The following CSMD1 variants were observed in gnomAD, a reference collection of about 807,000 sequenced individuals.
The protein encoded by CSMD1 is CUB and sushi domain-containing protein 1.
In CSMD1, 213 loss-of-function variants were observed where a neutral mutation model predicts 417.5. The observed-to-expected ratio is 0.51, with a 90% confidence interval of 0.46 to 0.57. CSMD1 has a LOEUF of 0.57. Ranked by LOEUF, CSMD1 falls within the 20% of genes least tolerant of loss-of-function variation. The pLI is 0.00. For missense variants in CSMD1, 6,923 were observed against 4,529.7 expected (o/e 1.53, Z -15.17); for synonymous variants, 2,862 against 1,736.8 (o/e 1.65, Z -16.11).
intron 3 of CSMD1, among the ~76,000 whole-genome samples, chr8:4,033,926 A>T (rs563338671): frequency 1.3e-5 from 2 of 152,356 alleles, no homozygotes; most frequent in South Asian, 2.1e-4. Flanking sequence ...CTAAGGTTTA[A>T]ATTTAGTATG....
intron 5 of CSMD1, among the ~76,000 whole-genome samples, chr8:3,971,680 G>T (rs1221614450): frequency 6.6e-6 from 1 of 152,134 alleles, no homozygotes; most frequent in Non-Finnish European, 1.5e-5. Flanking sequence ...GGTACTCAGA[G>T]GGAGAAAGGA....
In CSMD1 at chr8:3,307,800, T is replaced by G. The variant is rs776905840; in HGVS notation, c.3845A>C (p.His1282Pro). The G allele has an allele frequency of 1.9e-6, 3 of 1,613,572 alleles. No individual in the cohort carries two copies. The highest frequency in any genetic ancestry group is 1.3e-5 in the African/African-American group (1 of 75,036). The change falls in exon 25 of 70, where the codon CAT (histidine) becomes CCT (proline). Residue 1282 changes from histidine (H) to proline (P), a missense_variant. Coordinates refer to ENST00000635120, the MANE Select transcript of CSMD1 (RefSeq NM_033225.6). ...SCIAECGGQIHAATSGRILSP... is the reference protein window; with the variant it reads ...SCIAECGGQIPAATSGRILSP... ...CAATATTCGTCCTGATGTGGCTGCATGGATCTGACCACCACATTCCGCTGT... is the reference window on the plus strand; with the variant it reads ...CAATATTCGTCCTGATGTGGCTGCAGGGATCTGACCACCACATTCCGCTGT...
chr8:4,296,032 C>T (rs373501674), intron 3 of CSMD1, among the ~76,000 whole-genome samples: 37 of 152,018 alleles, frequency 2.4e-4, no homozygotes, highest in African/African-American at 8.2e-4. Context: ...AAAAATGAAA[C>T]TGTCTAATTG....
chr8:4,085,747 G>A (rs1378300315), intron 3 of CSMD1, among the ~76,000 whole-genome samples: 1 of 152,102 alleles, frequency 6.6e-6, no homozygotes, highest in African/African-American at 2.4e-5. Flanking sequence ...AAAAATGGAG[G>A]GAAGATGTGT....
intron 46 of CSMD1, among the ~76,000 whole-genome samples, chr8:3,099,466 TA>T (rs1815577368): frequency 6.6e-6 from 1 of 152,216 alleles, no homozygotes; most frequent in African/African-American, 2.4e-5. Flanking sequence ...CATCCTTCTC[TA>T]GGCTGACCTT....
chr8:3,307,362 C>T (rs965949500), intron 25 of CSMD1, among the ~76,000 whole-genome samples: 1 of 152,096 alleles, frequency 6.6e-6, no homozygotes, highest in African/African-American at 2.4e-5. Flanking sequence ...ACTGCTCATC[C>T]CCAGGCAGTC....
At chr8:4,156,842 G>A (rs980243566) in intron 3 of CSMD1, among the ~76,000 whole-genome samples, 8 of 151,568 alleles carry the variant, frequency 5.3e-5, no homozygotes, top group African/African-American at 2.0e-4. Flanking sequence ...ACAATCACAG[G>A]GAGGCTTTTT....
At chr8:4,904,522 G>C (rs1215027116) in intron 1 of CSMD1, among the ~76,000 whole-genome samples, 1 of 151,960 alleles carries the variant, frequency 6.6e-6, no homozygotes, top group Non-Finnish European at 1.5e-5. Flanking sequence ...ACCCTTTCCA[G>C]GTCCTACACT....
intron 7 of CSMD1, among the ~76,000 whole-genome samples, chr8:3,669,993 T>C (rs374452388): frequency 4.6e-5 from 7 of 152,198 alleles, no homozygotes; most frequent in Admixed American, 1.3e-4. Flanking sequence ...TCAGGTGCAA[T>C]TGCATACATT....
In CSMD1 at chr8:4,669,242, G is replaced by C. The variant is rs117532357; in HGVS notation, c.86-31684C>G. Among the ~76,000 whole-genome samples the C allele has an allele frequency of 5.6e-3, 860 of 152,260 alleles. 17 individuals are homozygous for C. Among genetic ancestry groups the C allele is most frequent in the East Asian group, 0.046 (237 of 5,166 alleles). The stretch of plus-strand genomic sequence containing the variant: ...CTTAATGGGACAGAGATGGGGGCTA[G>C]ACATATTTACTACTGATTTTTACCT... On this transcript the variant is annotated intron_variant, in intron 1 of 69. Transcript: ENST00000635120.
intron 12 of CSMD1, among the ~76,000 whole-genome samples, chr8:3,412,506 A>G (rs1812875199): frequency 6.6e-6 from 1 of 152,170 alleles, no homozygotes; most frequent in African/African-American, 2.4e-5. Context: ...GGGAATATCA[A>G]AGAAGTGAAG....
intron 12 of CSMD1, among the ~76,000 whole-genome samples, chr8:3,460,165 T>C (rs1195500190): frequency 1.1e-4 from 16 of 152,160 alleles, no homozygotes; most frequent in Non-Finnish European, 1.8e-4. Flanking sequence ...AATCACATAA[T>C]CTAGGATGTG....
Position 3,162,275 on chromosome 8 carries a change from C to T in CSMD1, c.5728G>A (p.Val1910Ile), listed in dbSNP as rs1265692864. The change falls in exon 38 of 70, where the codon GTA becomes ATA. Residue 1910 changes from valine (V) to isoleucine (I), a missense_variant and splice_region_variant. Transcript: ENST00000635120. ...GGTTCTTGGCATGCAGCAAGACCTA[C>T]AGCTAGAAATGCAAAGACAAATGCT... is the stretch of plus-strand genomic sequence containing the variant. The part of the protein sequence containing the change: ...AAGFHLEYKT[V>I]GLAACQEPAL... 1 of 1,593,768 alleles carries T rather than the reference C, an allele frequency of 6.3e-7. No homozygotes were observed. Among genetic ancestry groups the T allele is most frequent in the East Asian group, 2.2e-5 (1 of 44,578 alleles).
intron 26 of CSMD1, among the ~76,000 whole-genome samples, chr8:3,282,808 C>T (rs1802839020): frequency 6.6e-6 from 1 of 152,156 alleles, no homozygotes; most frequent in Non-Finnish European, 1.5e-5. Flanking sequence ...CCTTTTAAAG[C>T]ATTAAACTGA....
At chr8:4,629,098 T>G (rs1221549785) in intron 2 of CSMD1, among the ~76,000 whole-genome samples, 1 of 152,192 alleles carries the variant, frequency 6.6e-6, no homozygotes, top group Non-Finnish European at 1.5e-5. Context: ...TAGACATGTT[T>G]GAATTTTCAA....
chr8:4,805,243 T>C (rs1798520965), intron 1 of CSMD1, among the ~76,000 whole-genome samples: 1 of 152,254 alleles, frequency 6.6e-6, no homozygotes, highest in Non-Finnish European at 1.5e-5. Flanking sequence ...ATATATGTAT[T>C]GCACCTGTCC....
At chr8:4,902,080 A>G (rs975297147) in intron 1 of CSMD1, among the ~76,000 whole-genome samples, 4 of 152,148 alleles carry the variant, frequency 2.6e-5, no homozygotes, top group African/African-American at 9.7e-5. Context: ...ATATATGTGT[A>G]TATTTGTTGA....
At chr8:3,304,730 CTTT>C (rs10688027) in intron 25 of CSMD1, among the ~76,000 whole-genome samples, 2 of 151,614 alleles carry the variant, frequency 1.3e-5, no homozygotes, top group African/African-American at 2.4e-5. Context: ...TTATTTTTCT[CTTT>C]TTAATTTTTT....
chr8:4,898,824 A>C (rs1804673265), intron 1 of CSMD1, among the ~76,000 whole-genome samples: 1 of 152,160 alleles, frequency 6.6e-6, no homozygotes, highest in Admixed American at 6.5e-5. Context: ...TATTAATCAA[A>C]AGTTGTGGCA....
Sources: allele counts gnomAD v4.1 joint callset (sites outside exome capture counted in the v4.1 genomes callset), GRCh38; gene constraint gnomAD v4.1.1; transcripts MANE v1.5; gene names NCBI Gene and HGNC (gene_info 2026-07-23, HGNC 2026-07-21).